Variants in ZFYVE26 observed in about 807,000 individuals in gnomAD.
The protein encoded by ZFYVE26 is zinc finger FYVE domain-containing protein 26.
ZFYVE26 carries 181 observed loss-of-function variants against 276.5 expected under a neutral mutation model. That is an observed-to-expected ratio of 0.65 (90% CI 0.58 to 0.74). The LOEUF (loss-of-function observed/expected upper bound fraction) is 0.74. Among genes scored for constraint, ZFYVE26 ranks in the 30% least tolerant of loss-of-function variants. The pLI is 0.00. For synonymous variants in ZFYVE26, 1,129 were observed against 1,203.1 expected (o/e 0.94, Z 1.27); for missense variants, 2,821 against 3,097.9 (o/e 0.91, Z 2.12).
chr14:67,806,679 A>G lies in ZFYVE26; in HGVS notation c.887-4T>C. 6.2e-7 allele frequency: 1 copy of G among 1,612,996 alleles called. No homozygotes were observed. Among genetic ancestry groups the G allele is most frequent in the Non-Finnish European group, 8.5e-7 (1 of 1,179,380 alleles). Reference sequence around the variant, plus strand: ...GGATCTAGATGATCCGGTGAGACTGAACATCAAACAAGACGGTTATCAGGA... The same window carrying G: ...GGATCTAGATGATCCGGTGAGACTGGACATCAAACAAGACGGTTATCAGGA... On this transcript the variant is annotated splice_polypyrimidine_tract_variant and splice_region_variant and intron_variant, in intron 5 of 41. Coordinates refer to ENST00000347230, the MANE Select transcript of ZFYVE26 (RefSeq NM_015346.4).
In ZFYVE26 at chr14:67,807,926, T is replaced by C. The variant is rs1344221250; in HGVS notation, c.364-6A>G. The C allele has an allele frequency of 1.2e-6, 2 of 1,614,140 alleles. No individual in the cohort carries two copies. The highest frequency in any genetic ancestry group is 8.5e-7 in the Non-Finnish European group (1 of 1,180,004). ...GTTAAGGTCTCATACAGCTCCTAAATAGAGGATGAAGAAAAGGATGGGTGG... is the reference window on the plus strand; with the variant it reads ...GTTAAGGTCTCATACAGCTCCTAAACAGAGGATGAAGAAAAGGATGGGTGG... On this transcript the variant is annotated splice_region_variant and splice_polypyrimidine_tract_variant and intron_variant, in intron 4 of 41. Coordinates refer to ENST00000347230, the MANE Select transcript of ZFYVE26 (RefSeq NM_015346.4).
At chr14:67,761,051 C>T in intron 35 of ZFYVE26, 1 of 599,460 alleles carries the variant, frequency 1.7e-6, no homozygotes. Flanking sequence ...CAAGGCCACA[C>T]AAGACTCACA....
At position 67,802,082 on chromosome 14, in the gene ZFYVE26, G is replaced by A; in HGVS notation, c.1636C>T (p.Pro546Ser). The change falls in exon 10 of 42, where the codon CCA becomes TCA. Residue 546 changes from proline to serine, a missense_variant. Physicochemically the swap from Pro to Ser is moderately conservative, Grantham distance 74. Coordinates refer to ENST00000347230, the MANE Select transcript of ZFYVE26 (RefSeq NM_015346.4). The part of the protein sequence containing the change: ...TEPANDSLSS[P>S]GAANLFSTYL... ...CGGATGGAGGGAAGTGCTGTACCTGGGGAGGAGAGAGAGTCATTCGCTGGC... is the reference window on the plus strand; with the variant it reads ...CGGATGGAGGGAAGTGCTGTACCTGAGGAGGAGAGAGAGTCATTCGCTGGC... The A allele has an allele frequency of 6.2e-7, 1 of 1,612,804 alleles. No individual in the cohort carries two copies. Among genetic ancestry groups the A allele is most frequent in the Non-Finnish European group, 8.5e-7 (1 of 1,180,016 alleles).
intron 41 of ZFYVE26, among the ~76,000 whole-genome samples, chr14:67,748,865 G>T (rs2038559084): frequency 1.3e-5 from 2 of 152,244 alleles, no homozygotes; most frequent in East Asian, 1.9e-4. Context: ...AATAAGCTAA[G>T]AATTTAAAAA....
chr14:67,789,401 A>G lies in ZFYVE26; in HGVS notation c.2953T>C (p.Trp985Arg). The change falls in exon 16 of 42, where the codon TGG becomes CGG. Residue 985 changes from tryptophan to arginine, a missense_variant. Coordinates refer to ENST00000347230, the MANE Select transcript of ZFYVE26 (RefSeq NM_015346.4). ...TCCAAAAGCTGCTTGCAGGTTTTCC[A>G]GAGCTGGCACTGAGAGCAAGCTAGG... ...FDLACSQCQL[W>R]KTCKQLLETA... 6.2e-7 allele frequency: 1 copy of G among 1,614,228 alleles called. No individual in the cohort carries two copies. Among genetic ancestry groups the G allele is most frequent in the East Asian group, 2.2e-5 (1 of 44,878 alleles).
Position 67,755,254 on chromosome 14 carries a change from G to A in ZFYVE26, c.6787-4C>T. On this transcript the variant is annotated splice_polypyrimidine_tract_variant and splice_region_variant and intron_variant, in intron 36 of 41. Transcript: ENST00000347230. Reference sequence around the variant, plus strand: ...TCATGGCGGCCCGAACTTGGTCCTAGAAGAGGAAAATAAATGTTCAGGTCA... The same window carrying A: ...TCATGGCGGCCCGAACTTGGTCCTAAAAGAGGAAAATAAATGTTCAGGTCA... 6 of 1,614,112 alleles carry A rather than the reference G, an allele frequency of 3.7e-6. No homozygotes were observed. Among genetic ancestry groups the A allele is most frequent in the Non-Finnish European group, 5.1e-6 (6 of 1,180,022 alleles).
rs1266992685 is a variant in ZFYVE26 at position 67,748,276 on chromosome 14, A to G, written c.*160T>C. 1.3e-6 allele frequency: 1 copy of G among 759,320 alleles called. No individual in the cohort carries two copies. The highest frequency in any genetic ancestry group is 2.7e-5 in the East Asian group (1 of 37,190). The allele number at this position is 759,320 out of a possible 1,614,324, so 47.0% of individuals were successfully genotyped here. A position where few individuals can be genotyped will look rare whatever the true frequency, so the allele number is the denominator to read the frequency against. On this transcript the variant is annotated 3_prime_UTR_variant, in exon 42 of 42. Transcript: ENST00000347230. Reference sequence around the variant, plus strand: ...ACATGGCACTTGCGTGAAAGGTCCTATCCTTGCCCGGGAAGGCAAGTAGGG... The same window carrying G: ...ACATGGCACTTGCGTGAAAGGTCCTGTCCTTGCCCGGGAAGGCAAGTAGGG...
chr14:67,748,522 C>T lies in ZFYVE26; in HGVS notation c.7534G>A (p.Gly2512Arg), dbSNP rs148944480. 34 of 1,613,930 alleles carry T rather than the reference C, an allele frequency of 2.1e-5. No individual in the cohort carries two copies. Among genetic ancestry groups the T allele is most frequent in the East Asian group, 4.5e-5 (2 of 44,900 alleles). The change falls in exon 42 of 42, where the codon GGG becomes AGG. Residue 2512 changes from glycine to arginine, a missense_variant. Transcript: ENST00000347230. The stretch of plus-strand genomic sequence containing the variant: ...CAGATGTCTTGCACTACTGCATCCC[C>T]GCTGCTCTTGGCGGCCTGCTGCACC... Reference protein sequence around the residue: ...QQVQQAAKSSGDAVVQDICAQ... With the variant: ...QQVQQAAKSSRDAVVQDICAQ...
rs150017636 is a variant in ZFYVE26 at position 67,735,316 on chromosome 14, G to A, written n.2680-5497C>T. The A allele has an allele frequency of 4.1e-5, 33 of 810,928 alleles. 1 individual carries two copies. The highest frequency in any genetic ancestry group is 3.2e-4 in the South Asian group (24 of 74,938). 50.2% of individuals were successfully genotyped at this position (810,928 alleles called of 1,614,324 possible). A position where few individuals can be genotyped will look rare whatever the true frequency, so the allele number is the denominator to read the frequency against. The stretch of plus-strand genomic sequence containing the variant: ...ACATCTCACCTCTCTGTAGTGTCTC[G>A]CCCGACACCAAAAGGACCATCTAGT... On this transcript the variant is annotated intron_variant and non_coding_transcript_variant, in intron 13 of 14. Transcript: ENST00000394455.
chr14:67,758,211 T>A (rs1187221799), intron 35 of ZFYVE26, among the ~76,000 whole-genome samples: 1 of 152,224 alleles, frequency 6.6e-6, no homozygotes, highest in Non-Finnish European at 1.5e-5. Flanking sequence ...GATCTGGGTT[T>A]TGAGAACATT....
rs144007962 is a variant in ZFYVE26 at position 67,755,218 on chromosome 14, C to T, written c.6819G>A (p.Arg2273=). The T allele has an allele frequency of 6.5e-4, 1,052 of 1,614,138 alleles. 8 individuals are homozygous for T. In the African/African-American group the frequency reaches 0.012, roughly 19 times the overall value. ...ATGACTTTGCTTTGTGACTGAAGAA[C>T]CGAATACAGGTCATGGCGGCCCGAA... ...DQVRAAMTCI[R]FFSHKAKSYT... Residue 2273 remains arginine, a synonymous_variant, in exon 37 of 42, where the codon CGG becomes CGA. Transcript: ENST00000347230.
Position 67,807,525 on chromosome 14 carries a change from G to A in ZFYVE26, c.759C>T (p.Pro253=). 6.2e-7 allele frequency: 1 copy of A among 1,614,196 alleles called. No homozygotes were observed. The highest frequency in any genetic ancestry group is 1.1e-5 in the South Asian group (1 of 91,080). ...AGCTGAGCAGCCGCTCCTCCCGCAG[G>A]GGACTCCCCTCGGTCCTGCAGGCCT... ...LLEACRTEGS[P]LREERLLSCL... is the part of the protein sequence containing the mutation. The change falls in exon 5 of 42, where the codon CCC becomes CCT. Residue 253 remains proline, a synonymous_variant. Transcript: ENST00000347230.
Position 67,815,820 on chromosome 14 carries a change from C to T in ZFYVE26, c.144G>A (p.Lys48=). Residue 48 remains lysine, a synonymous_variant, in exon 2 of 42, where the codon AAG becomes AAA. Transcript: ENST00000347230. ...QLQEGQGDIP[K]RVEDILQALV... ...ATGCCTGAAGTATGTCTTCTACCCT[C>T]TTTGGGATATCCCCTTGTCCCTCCT... The T allele has an allele frequency of 6.2e-7, 1 of 1,614,062 alleles. No homozygotes were observed. The highest frequency in any genetic ancestry group is 8.5e-7 in the Non-Finnish European group (1 of 1,180,050).
chr14:67,792,207 T>C (rs930231544), intron 14 of ZFYVE26, among the ~76,000 whole-genome samples: 4 of 152,148 alleles, frequency 2.6e-5, no homozygotes, highest in Admixed American at 2.6e-4. Context: ...TAGAGTTCCC[T>C]AGATTTATTC....
intron 27 of ZFYVE26, among the ~76,000 whole-genome samples, chr14:67,772,989 T>C (rs1451107335): frequency 6.6e-6 from 1 of 152,048 alleles, no homozygotes; most frequent in Non-Finnish European, 1.5e-5. Flanking sequence ...ATTTAAGAGA[T>C]ATTTCACCAA....
intron 32 of ZFYVE26, among the ~76,000 whole-genome samples, chr14:67,763,068 A>G (rs1233058866): frequency 6.6e-6 from 1 of 151,978 alleles, no homozygotes; most frequent in African/African-American, 2.4e-5. Flanking sequence ...TTGCCCAGCT[A>G]GTTTTTGTAT....
chr14:67,748,379 C>T lies in ZFYVE26; in HGVS notation c.*57G>A. On this transcript the variant is annotated 3_prime_UTR_variant, in exon 42 of 42. Coordinates refer to ENST00000347230, the MANE Select transcript of ZFYVE26 (RefSeq NM_015346.4). ...TGGAGGAAAGAGGTGGAGGGCATCG[C>T]CATCACTGCTGTTGCCCAGCTCTCA... 1 of 1,572,182 alleles carries T rather than the reference C, an allele frequency of 6.4e-7. No individual in the cohort carries two copies. The highest frequency in any genetic ancestry group is 8.7e-7 in the Non-Finnish European group (1 of 1,151,610).
chr14:67,757,285 C>G (rs1458469151), intron 35 of ZFYVE26, among the ~76,000 whole-genome samples: 1 of 152,248 alleles, frequency 6.6e-6, no homozygotes, highest in South Asian at 2.1e-4. Flanking sequence ...TGCTCACAGT[C>G]TCCCAGGGGT....
chr14:67,767,503 C>T (rs569078843), intron 31 of ZFYVE26, among the ~76,000 whole-genome samples: 16 of 152,130 alleles, frequency 1.1e-4, no homozygotes, highest in Middle Eastern at 3.4e-3. Context: ...ACCTCTTCCA[C>T]GAAGGCTTTC....
Sources: allele counts gnomAD v4.1 joint callset (sites outside exome capture counted in the v4.1 genomes callset), GRCh38; gene constraint gnomAD v4.1.1; transcripts MANE v1.5; gene names NCBI Gene and HGNC (gene_info 2026-07-23, HGNC 2026-07-21).